NFKB1: variants seen among roughly 807,000 people sequenced by gnomAD.
NFKB1 encodes the protein nuclear factor kappa B subunit 1.
NFKB1 carries 9 observed loss-of-function variants against 105.1 expected under a neutral mutation model. The ratio of observed to expected loss-of-function variants is 0.09; its 90% CI spans 0.05 to 0.15. The LOEUF (loss-of-function observed/expected upper bound fraction) is 0.15, where lower values mean the gene tolerates loss of function less well. Among genes scored for constraint, NFKB1 ranks in the 10% least tolerant of loss-of-function variants. The probability of loss-of-function intolerance (pLI) is 1.00; values close to 1 mark genes in which losing one functional copy is unlikely to be tolerated. For synonymous variants in NFKB1, 440 were observed against 442.2 expected (o/e 1.00, Z 0.06); for missense variants, 830 against 1,203.7 (o/e 0.69, Z 4.59).
intron 5 of NFKB1, among the ~76,000 whole-genome samples, chr4:102,548,292 G>A (rs1256397520): frequency 1.3e-5 from 2 of 152,092 alleles, no homozygotes; most frequent in South Asian, 4.1e-4. Context: ...AAGTCACTGT[G>A]GCATATCTGC....
intron 11 of NFKB1, among the ~76,000 whole-genome samples, chr4:102,590,144 C>T (rs535404868): frequency 5.3e-5 from 8 of 152,298 alleles, no homozygotes; most frequent in African/African-American, 1.9e-4. Context: ...CTGGTGACCA[C>T]TAAGGAATGG....
At chr4:102,546,818 G>C (rs890768371) in intron 5 of NFKB1, among the ~76,000 whole-genome samples, 1 of 152,166 alleles carries the variant, frequency 6.6e-6, no homozygotes, top group Non-Finnish European at 1.5e-5. Flanking sequence ...GAGGTGATGA[G>C]GAAGTTGCCT....
At chr4:102,528,242 C>G (rs1169303668) in intron 2 of NFKB1, among the ~76,000 whole-genome samples, 1 of 152,170 alleles carries the variant, frequency 6.6e-6, no homozygotes, top group Non-Finnish European at 1.5e-5. Context: ...TAGGTTATCA[C>G]GTTTGCTCTG....
chr4:102,577,999 C>T (rs976194644), intron 7 of NFKB1: 2 of 985,280 alleles, frequency 2.0e-6, no homozygotes, highest in Non-Finnish European at 2.4e-6. Context: ...TTGGATCTCC[C>T]AAGAGCTGGC....
At chr4:102,538,975 A>G (rs980196090) in intron 5 of NFKB1, among the ~76,000 whole-genome samples, 1 of 152,096 alleles carries the variant, frequency 6.6e-6, no homozygotes, top group Admixed American at 6.6e-5. Context: ...TCGTTGACTC[A>G]TGTCTGTAAT....
At chr4:102,530,969 T>G (rs2149119871) in intron 3 of NFKB1, among the ~76,000 whole-genome samples, 1 of 152,314 alleles carries the variant, frequency 6.6e-6, no homozygotes, top group South Asian at 2.1e-4. Flanking sequence ...CTGTCCAATT[T>G]GAGCTCTAGG....
At chr4:102,595,085 A>G (rs1012329898) in intron 13 of NFKB1, 104 bp downstream of exon 13, 1 of 669,584 alleles carries the variant, frequency 1.5e-6, no homozygotes, top group Non-Finnish European at 2.5e-6. Flanking sequence ...TCATCTTGAC[A>G]AATAATTGAT....
intron 18 of NFKB1, 142 bp from the exon 19 acceptor site, chr4:102,607,505 CTG>C (rs1727887305): frequency 5.4e-6 from 6 of 1,104,452 alleles, no homozygotes; most frequent in Non-Finnish European, 8.1e-6. Flanking sequence ...GCATCTCTAA[CTG>C]GGGATTTCTT....
At chr4:102,591,411 C>T (rs867596766) in intron 11 of NFKB1, among the ~76,000 whole-genome samples, 1 of 132,390 alleles carries the variant, frequency 7.6e-6, no homozygotes, top group Non-Finnish European at 1.6e-5. Context: ...CAGAGTGAGA[C>T]CCTGGCTCAA....
intron 6 of NFKB1, among the ~76,000 whole-genome samples, chr4:102,568,923 G>A (rs1037671952): frequency 6.6e-6 from 1 of 152,034 alleles, no homozygotes; most frequent in Admixed American, 6.6e-5. Flanking sequence ...ATGATGTCTG[G>A]TTGTAGAGCA....
intron 1 of NFKB1, among the ~76,000 whole-genome samples, chr4:102,502,375 T>TCC (rs770974067): frequency 2.4e-5 from 2 of 83,668 alleles, no homozygotes; most frequent in African/African-American, 1.0e-4. Context: ...CCCCCCTCCG[T>TCC]GCGCGCGCGC....
chr4:102,584,590 A>C, intron 10 of NFKB1, 92 bp from the exon 11 acceptor site: 4 of 1,296,120 alleles, frequency 3.1e-6, no homozygotes, highest in Non-Finnish European at 4.1e-6. Flanking sequence ...GGTATAAAGA[A>C]AAGCATAAGG....
intron 1 of NFKB1, among the ~76,000 whole-genome samples, chr4:102,503,663 T>G (rs916219409): frequency 6.6e-6 from 1 of 152,162 alleles, no homozygotes. Context: ...CCTTCCCCTT[T>G]GTAAGCATTG....
intron 5 of NFKB1, among the ~76,000 whole-genome samples, chr4:102,554,966 C>T (rs1219012390): frequency 6.6e-6 from 1 of 152,126 alleles, no homozygotes; most frequent in African/African-American, 2.4e-5. Flanking sequence ...AAAATTGCTT[C>T]TCGAAGTAGA....
At position 102,574,502 on chromosome 4, in the gene NFKB1, C is replaced by T. The variant is rs775074471; in HGVS notation, c.408-2374C>T. On this transcript the variant is annotated intron_variant, in intron 6 of 23. Coordinates refer to ENST00000226574, the MANE Select transcript of NFKB1 (RefSeq NM_003998.4). ...TCTCTGTTTGCGGTTTCTTCCTTTC[C>T]GGTACTCTGCTTGTGAGTTTTAGCC... is the stretch of plus-strand genomic sequence containing the variant. Among the ~76,000 whole-genome samples the T allele has an allele frequency of 3.9e-5, 6 of 152,152 alleles. No homozygotes were observed. In the South Asian group the frequency reaches 6.2e-4, roughly 16 times the overall value.
chr4:102,591,155 C>A (rs1726135654), intron 11 of NFKB1, among the ~76,000 whole-genome samples: 1 of 152,156 alleles, frequency 6.6e-6, no homozygotes, highest in Non-Finnish European at 1.5e-5. Flanking sequence ...TCCAGGAGAT[C>A]TAGTTCAGAA....
intron 9 of NFKB1, among the ~76,000 whole-genome samples, chr4:102,582,558 G>A (rs1243374758): frequency 2.0e-5 from 3 of 151,986 alleles, no homozygotes; most frequent in Non-Finnish European, 4.4e-5. Flanking sequence ...TTCCACCATC[G>A]TTCGTGTTTC....
At chr4:102,539,386 C>T (rs555903008) in intron 5 of NFKB1, among the ~76,000 whole-genome samples, 5 of 152,118 alleles carry the variant, frequency 3.3e-5, no homozygotes, top group African/African-American at 7.2e-5. Flanking sequence ...AATGTTGTGA[C>T]GTCGTTCTTT....
chr4:102,527,244 G>A (rs897204356), intron 2 of NFKB1, among the ~76,000 whole-genome samples: 39 of 152,162 alleles, frequency 2.6e-4, no homozygotes, highest in Admixed American at 2.0e-3. Flanking sequence ...TGCGCAGAGC[G>A]GGATAGAAAT....
Sources: allele counts gnomAD v4.1 joint callset (sites outside exome capture counted in the v4.1 genomes callset), GRCh38; gene constraint gnomAD v4.1.1; transcripts MANE v1.5; gene names NCBI Gene and HGNC (gene_info 2026-07-23, HGNC 2026-07-21).